The following CEP192 variants were observed in gnomAD, a reference collection of about 807,000 sequenced individuals.
CEP192 encodes the protein centrosomal protein 192.
Under a neutral mutation model 271.8 loss-of-function variants are expected in CEP192, and 151 were observed. The observed-to-expected ratio is 0.56, with a 90% CI of 0.49 to 0.64. CEP192 has a LOEUF of 0.64. CEP192 is among the 30% of genes least tolerant of loss of function. CEP192 has a pLI of 0.00. For missense variants in CEP192, 2,910 were observed against 3,020.5 expected (o/e 0.96, Z 0.86); for synonymous variants, 995 against 1,076.5 (o/e 0.92, Z 1.48).
At chr18:13,051,079 T>G (rs2036760792) in intron 17 of CEP192, among the ~76,000 whole-genome samples, 1 of 152,242 alleles carries the variant, frequency 6.6e-6, no homozygotes. Context: ...TGCCTTTGAA[T>G]TGACTTGATG....
Position 13,099,545 on chromosome 18 carries a change from T to G in CEP192, c.6627T>G (p.Ser2209Arg), listed in dbSNP as rs766625018. The change falls in exon 37 of 45, where the codon AGT (serine) becomes AGG (arginine). Residue 2209 changes from serine (S) to arginine (R), a missense_variant. Coordinates refer to ENST00000506447, the MANE Select transcript of CEP192 (RefSeq NM_032142.4). ...LSTKQSMFPW[S>R]GLIYIHCDDG... ...CAAAACAGTCAATGTTCCCGTGGAG[T>G]GGTTTGATCTATATACACTGTGACG... 11 of 1,602,782 alleles carry G rather than the reference T, an allele frequency of 6.9e-6. No homozygotes were observed. The highest frequency in any genetic ancestry group is 9.4e-6 in the Non-Finnish European group (11 of 1,174,898).
At chr18:13,021,273 C>T (rs543732781) in intron 9 of CEP192, among the ~76,000 whole-genome samples, 53 of 152,158 alleles carry the variant, frequency 3.5e-4, no homozygotes, top group South Asian at 2.9e-3. Flanking sequence ...TGATTTGTTT[C>T]GAGTTTATTT....
intron 40 of CEP192, among the ~76,000 whole-genome samples, chr18:13,107,794 TACTG>T (rs1428768800): frequency 6.6e-6 from 1 of 151,812 alleles, no homozygotes; most frequent in African/African-American, 2.4e-5. Flanking sequence ...AGCACTGTGA[TACTG>T]ACTTTGTTTA....
chr18:13,027,098 G>A (rs1417809216), intron 9 of CEP192, among the ~76,000 whole-genome samples: 2 of 152,112 alleles, frequency 1.3e-5, no homozygotes, highest in African/African-American at 4.8e-5. Context: ...TCTTTAGACT[G>A]TGCACTCCAC....
rs761684430 is a variant in CEP192, at chr18:13,053,017, G to C, written c.3116G>C (p.Arg1039Thr). ...GTGTGCTCGCCTGCTGGGGTGAGCA[G>C]GCTGACGTATGTGTCTGAACCAGAG... ...PLVCSPAGVS[R>T]LTYVSEPESS... is the part of the protein sequence containing the mutation. Residue 1039 changes from arginine (R) to threonine (T), a missense_variant, in exon 18 of 45, where the codon AGG (arginine) becomes ACG (threonine). Physicochemically the swap from Arg to Thr is moderately conservative, Grantham distance 71. Transcript: ENST00000506447. 45 of 1,613,880 alleles carry C rather than the reference G, an allele frequency of 2.8e-5. No homozygotes were observed. The highest frequency in any genetic ancestry group is 3.8e-5 in the Non-Finnish European group (45 of 1,179,912).
chr18:13,070,492 TTTC>T (rs1473559037), intron 27 of CEP192, among the ~76,000 whole-genome samples: 1 of 152,210 alleles, frequency 6.6e-6, no homozygotes, highest in African/African-American at 2.4e-5. Context: ...TCTTTCTCCA[TTTC>T]TTCTCCAAGC....
intron 20 of CEP192, chr18:13,058,319 A>G (rs1787008): frequency 0.71 from 107,804 of 152,148 alleles, 39,373 homozygotes; most frequent in African/African-American, 0.89. Context: ...TGGTGAGTGG[A>G]GAGGGGGGAT....
chr18:13,043,664 C>T (rs1352477665), intron 15 of CEP192, among the ~76,000 whole-genome samples: 2 of 152,146 alleles, frequency 1.3e-5, no homozygotes, highest in Non-Finnish European at 2.9e-5. Context: ...ACCAACAACC[C>T]TGTTGGACTT....
intron 6 of CEP192, 77 bp from the exon 7 acceptor site, chr18:13,017,111 T>C (rs2034693425): frequency 1.7e-6 from 2 of 1,165,390 alleles, no homozygotes; most frequent in Admixed American, 2.7e-5. Flanking sequence ...TTATGTCTTA[T>C]CGGCCTTTTT....
chr18:13,071,254 A>T (rs773896148), intron 28 of CEP192, 42 bp downstream of exon 28: 2 of 1,525,942 alleles, frequency 1.3e-6, no homozygotes, highest in Admixed American at 3.8e-5. Flanking sequence ...ATTTATACAT[A>T]TTTTGGAGCA....
intron 35 of CEP192, among the ~76,000 whole-genome samples, 157 bp from the exon 36 acceptor site, chr18:13,096,027 G>T (rs1228426669): frequency 6.6e-6 from 1 of 152,164 alleles, no homozygotes; most frequent in Non-Finnish European, 1.5e-5. Context: ...TTTCCTCTTT[G>T]TTTACTACCA....
intron 39 of CEP192, 185 bp downstream of exon 39, chr18:13,103,773 C>T: frequency 1.6e-6 from 1 of 643,702 alleles, no homozygotes; most frequent in Non-Finnish European, 2.9e-6. Context: ...TCACTGCAGC[C>T]TCAACCTCCC....
intron 21 of CEP192, among the ~76,000 whole-genome samples, chr18:13,065,171 AGTT>A (rs2037626597): frequency 7.0e-6 from 1 of 142,224 alleles, no homozygotes; most frequent in Admixed American, 7.5e-5. Flanking sequence ...CAGTTCTAAT[AGTT>A]GTTTTTTTTT....
At chr18:12,998,122 C>T (rs947265541) in intron 1 of CEP192, among the ~76,000 whole-genome samples, 4 of 152,154 alleles carry the variant, frequency 2.6e-5, no homozygotes, top group Admixed American at 1.3e-4. Flanking sequence ...TCCAATTTGT[C>T]ATTGATCCTA....
intron 6 of CEP192, among the ~76,000 whole-genome samples, 200 bp downstream of exon 6, chr18:13,015,648 A>C (rs2034601243): frequency 6.6e-6 from 1 of 152,172 alleles, no homozygotes; most frequent in South Asian, 2.1e-4. Context: ...TGATATGATT[A>C]TACTCATCCT....
In CEP192 at chr18:13,032,513, T is replaced by C. The variant is rs2035689202; in HGVS notation, c.1534+1905T>C. The stretch of plus-strand genomic sequence containing the variant: ...TGGTGGATATTTATCACTTAAAAGA[T>C]CATGGAATTCTCATGTGTTGCTGGT... On this transcript the variant is annotated intron_variant, in intron 11 of 44. Transcript: ENST00000506447. Among the ~76,000 whole-genome samples, 3 of 152,188 alleles carry C rather than the reference T, an allele frequency of 2.0e-5. 1 individual carries two copies. The highest frequency in any genetic ancestry group is 2.0e-4 in the Admixed American group (3 of 15,268).
intron 40 of CEP192, among the ~76,000 whole-genome samples, chr18:13,106,934 C>T (rs1476333979): frequency 1.3e-5 from 2 of 152,222 alleles, no homozygotes; most frequent in African/African-American, 4.8e-5. Context: ...ATCTGGGTTT[C>T]CTTTTCTTTG....
intron 15 of CEP192, among the ~76,000 whole-genome samples, chr18:13,047,799 C>G (rs947322782): frequency 3.3e-5 from 5 of 152,122 alleles, no homozygotes; most frequent in African/African-American, 1.2e-4. Context: ...ATAAGTAATT[C>G]TAACAGTTGA....
Position 13,104,985 on chromosome 18 carries a change from G to C in CEP192, c.6953G>C (p.Gly2318Ala). Reference protein sequence around the residue: ...LSSLAPPYVKGVDESGDVFRA... With the variant: ...LSSLAPPYVKAVDESGDVFRA... ...TTTGTTTAAATGATTGCTTTGCAGG[G>C]AGTTGATGAAAGTGGAGATGTTTTT... The change falls in exon 40 of 45, where the codon GGA becomes GCA. Residue 2318 changes from glycine (G) to alanine (A), a missense_variant and splice_region_variant. By Grantham distance (60) the Gly-to-Ala change is moderately conservative. Transcript: ENST00000506447. The C allele has an allele frequency of 6.2e-7, 1 of 1,607,636 alleles. No homozygotes were observed. The highest frequency in any genetic ancestry group is 8.5e-7 in the Non-Finnish European group (1 of 1,174,066).
Sources: gnomAD v4.1 joint callset for allele counts (sites outside exome capture counted in the v4.1 genomes callset) on GRCh38, gnomAD v4.1.1 for gene constraint, MANE v1.5 for transcripts, NCBI Gene and HGNC (gene_info 2026-07-23, HGNC 2026-07-21) for gene names.